PPP3CA: variants seen among roughly 807,000 people sequenced by gnomAD.
The protein encoded by PPP3CA is protein phosphatase 3 catalytic subunit alpha, also known as CAM-PRP catalytic subunit.
A neutral mutation model predicts 66.5 loss-of-function variants in PPP3CA; 14 were observed. The observed-to-expected ratio is 0.21, with a 90% confidence interval of 0.14 to 0.33. PPP3CA has a LOEUF of 0.33. PPP3CA is among the 10% of genes least tolerant of loss of function. PPP3CA has a pLI of 1.00. For synonymous variants in PPP3CA, 232 were observed against 226.2 expected, an observed-to-expected ratio of 1.03 and a Z score of -0.23; for missense variants, 317 against 639.5, an observed-to-expected ratio of 0.50 and a Z score of 5.44.
chr4:101,154,808 A>AT lies in PPP3CA; in HGVS notation c.259+41107dup, dbSNP rs779695561. On this transcript the variant is annotated intron_variant, in intron 2 of 13. Transcript: ENST00000394854. ...GCTTCAGAACACATTCACTCCCAGAATTTTTTTTTTTTTTTTTTTTTTTTT... is the reference window on the plus strand; with the variant it reads ...GCTTCAGAACACATTCACTCCCAGAATTTTTTTTTTTTTTTTTTTTTTTTTT... Among the ~76,000 whole-genome samples the AT allele has an allele frequency of 7.8e-3, 704 of 90,578 alleles. 67 individuals carry two copies. Among genetic ancestry groups the AT allele is most frequent in the East Asian group, 0.06 (153 of 2,568 alleles). 59.4% of individuals were successfully genotyped at this position (90,578 alleles called of 152,430 possible).
At chr4:101,115,723 T>A (rs1352143357) in intron 2 of PPP3CA, among the ~76,000 whole-genome samples, 1 of 151,912 alleles carries the variant, frequency 6.6e-6, no homozygotes, top group Non-Finnish European at 1.5e-5. Context: ...AAATATACAT[T>A]TTCACATAAA....
chr4:101,071,685 C>T (rs537103970), intron 8 of PPP3CA, among the ~76,000 whole-genome samples: 1 of 152,148 alleles, frequency 6.6e-6, no homozygotes, highest in Non-Finnish European at 1.5e-5. Flanking sequence ...AGCATTGACT[C>T]CTCCTTTGTT....
At chr4:101,108,333 A>G (rs1048520925) in intron 3 of PPP3CA, among the ~76,000 whole-genome samples, 7 of 152,242 alleles carry the variant, frequency 4.6e-5, no homozygotes, top group African/African-American at 1.7e-4. Flanking sequence ...TTATTTGATC[A>G]ACATTGATTA....
chr4:101,161,901 AT>A (rs1723522667), intron 2 of PPP3CA, among the ~76,000 whole-genome samples: 1 of 152,154 alleles, frequency 6.6e-6, no homozygotes, highest in South Asian at 2.1e-4. Context: ...CTATATATAC[AT>A]TCTATAGAAA....
intron 3 of PPP3CA, among the ~76,000 whole-genome samples, chr4:101,103,861 T>A (rs1730547798): frequency 6.6e-6 from 1 of 152,224 alleles, no homozygotes; most frequent in Admixed American, 6.5e-5. Flanking sequence ...CACATATGCT[T>A]GATCAAAGAG....
chr4:101,141,700 C>T (rs1453844858), intron 2 of PPP3CA, among the ~76,000 whole-genome samples: 1 of 152,162 alleles, frequency 6.6e-6, no homozygotes, highest in Non-Finnish European at 1.5e-5. Flanking sequence ...AATATTCTTT[C>T]ACAGCACTTG....
chr4:101,223,825 C>T (rs1197760123), intron 1 of PPP3CA, among the ~76,000 whole-genome samples: 2 of 151,758 alleles, frequency 1.3e-5, no homozygotes, highest in Admixed American at 1.3e-4. Flanking sequence ...AATAATCTCT[C>T]ATTCAACAGG....
chr4:101,341,684 T>G (rs1474609994), intron 1 of PPP3CA, among the ~76,000 whole-genome samples: 1 of 152,166 alleles, frequency 6.6e-6, no homozygotes, highest in Non-Finnish European at 1.5e-5. Flanking sequence ...ATAGAGAAAG[T>G]TAGCCTGTGA....
At chr4:101,192,199 A>G (rs1724628979) in intron 2 of PPP3CA, among the ~76,000 whole-genome samples, 1 of 152,216 alleles carries the variant, frequency 6.6e-6, no homozygotes, top group African/African-American at 2.4e-5. Flanking sequence ...CAAACTAATC[A>G]GATGTTTTAA....
chr4:101,250,847 T>C (rs1217361602), intron 1 of PPP3CA, among the ~76,000 whole-genome samples: 1 of 151,984 alleles, frequency 6.6e-6, no homozygotes, highest in Non-Finnish European at 1.5e-5. Flanking sequence ...AACCTGTATA[T>C]TAAAAGGAAA....
At chr4:101,053,224 C>T (rs185799684) in intron 10 of PPP3CA, among the ~76,000 whole-genome samples, 180 of 152,200 alleles carry the variant, frequency 1.2e-3, no homozygotes, top group Admixed American at 3.0e-3. Flanking sequence ...TTCAATTTTA[C>T]GTGCCACTGT....
chr4:101,213,283 A>G (rs778913779), intron 1 of PPP3CA, among the ~76,000 whole-genome samples: 19 of 152,196 alleles, frequency 1.2e-4, no homozygotes, highest in African/African-American at 4.1e-4. Context: ...ACTATGAAAC[A>G]GTGTATGACC....
At position 101,028,301 on chromosome 4, in the gene PPP3CA, A is replaced by G. The variant is rs575842154; in HGVS notation, c.1369+865T>C. On this transcript the variant is annotated intron_variant, in intron 13 of 13. Coordinates refer to ENST00000394854, the MANE Select transcript of PPP3CA (RefSeq NM_000944.5). ...GATATGGTATGTATAATAAATATTA[A>G]AAACTATTTTGATATGCAGTTCTCT... Among the ~76,000 whole-genome samples, 221 of 152,338 alleles carry G rather than the reference A, an allele frequency of 1.5e-3. 1 individual carries two copies. Among genetic ancestry groups the G allele is most frequent in the African/African-American group, 5.0e-3 (207 of 41,584 alleles).
At chr4:101,130,694 G>A (rs1722400979) in intron 2 of PPP3CA, among the ~76,000 whole-genome samples, 1 of 152,172 alleles carries the variant, frequency 6.6e-6, no homozygotes. Context: ...CAAATGCTGA[G>A]GAATTCTGTC....
chr4:101,291,023 T>C (rs1244133862), intron 1 of PPP3CA, among the ~76,000 whole-genome samples: 3 of 152,162 alleles, frequency 2.0e-5, no homozygotes, highest in East Asian at 1.9e-4. Context: ...CCATCGTAAG[T>C]AGGAAAGCAC....
At chr4:101,296,357 A>C (rs1728199559) in intron 1 of PPP3CA, among the ~76,000 whole-genome samples, 1 of 152,112 alleles carries the variant, frequency 6.6e-6, no homozygotes, top group Non-Finnish European at 1.5e-5. Flanking sequence ...TGTATGTGAA[A>C]AATTTTCAGA....
chr4:101,156,662 C>T (rs184267484), intron 2 of PPP3CA, among the ~76,000 whole-genome samples: 98 of 144,196 alleles, frequency 6.8e-4, no homozygotes, highest in South Asian at 4.5e-3. Context: ...AAGAGCGAAA[C>T]TGTGTCTCAA....
chr4:101,292,549 A>C (rs1271153337), intron 1 of PPP3CA, among the ~76,000 whole-genome samples: 1 of 152,218 alleles, frequency 6.6e-6, no homozygotes, highest in Non-Finnish European at 1.5e-5. Context: ...CAAGGAAATA[A>C]TTACTTTAGA....
rs988172810 is a variant in PPP3CA at position 101,176,180 on chromosome 4, A to T, written c.259+19736T>A. Among the ~76,000 whole-genome samples, 4 of 152,184 alleles carry T rather than the reference A, an allele frequency of 2.6e-5. 1 individual carries two copies. Among genetic ancestry groups the T allele is most frequent in the Non-Finnish European group, 5.9e-5 (4 of 68,028 alleles). Reference sequence around the variant, plus strand: ...GTACATTAAGGGATTGCTTTATTTAAAGGTCAGTAGGAAAAGGTCAGTTAT... The same window carrying T: ...GTACATTAAGGGATTGCTTTATTTATAGGTCAGTAGGAAAAGGTCAGTTAT... On this transcript the variant is annotated intron_variant, in intron 2 of 13. Coordinates refer to ENST00000394854, the MANE Select transcript of PPP3CA (RefSeq NM_000944.5).
Sources: gnomAD v4.1 joint callset for allele counts (sites outside exome capture counted in the v4.1 genomes callset) on GRCh38, gnomAD v4.1.1 for gene constraint, MANE v1.5 for transcripts, NCBI Gene and HGNC (gene_info 2026-07-23, HGNC 2026-07-21) for gene names.